TMEM233: variants seen among roughly 807,000 people sequenced by gnomAD.
TMEM233 encodes dispanin subfamily B member 2.
A neutral mutation model predicts 11.2 loss-of-function variants in TMEM233; 6 were observed. The ratio of observed to expected loss-of-function variants is 0.54; its 90% CI spans 0.29 to 1.06. The LOEUF (loss-of-function observed/expected upper bound fraction) is 1.06, where lower values mean the gene tolerates loss of function less well. TMEM233 is among the 50% of genes least tolerant of loss of function. The pLI is 0.08. For missense variants in TMEM233, 127 were observed against 144.7 expected, an observed-to-expected ratio of 0.88 and a Z score of 0.63; for synonymous variants, 59 against 55.8, an observed-to-expected ratio of 1.06 and a Z score of -0.26.
rs1391597350 is a variant in TMEM233, at chr12:119,642,649, A to C, written c.*1944A>C. 2.0e-5 allele frequency: 3 copies of C among 152,174 alleles called. No homozygotes were observed. Among genetic ancestry groups the C allele is most frequent in the Non-Finnish European group, 4.4e-5 (3 of 68,034 alleles). The allele number at this position is 152,174 out of a possible 1,614,324, so 9.4% of individuals were successfully genotyped here. A position where few individuals can be genotyped will look rare whatever the true frequency, so the allele number is the denominator to read the frequency against. ...CTGTGCCTAAAATTCCTTCACCTGC[A>C]AAATGGGGATAAGAATGCCTGCCTA... On this transcript the variant is annotated 3_prime_UTR_variant, in exon 3 of 3. Transcript: ENST00000426426.
At position 119,642,644 on chromosome 12, in the gene TMEM233, C is replaced by T. The variant is rs1295879172; in HGVS notation, c.*1939C>T. On this transcript the variant is annotated 3_prime_UTR_variant, in exon 3 of 3. Coordinates refer to ENST00000426426, the MANE Select transcript of TMEM233 (RefSeq NM_001136534.3). Reference sequence around the variant, plus strand: ...CCTCTCTGTGCCTAAAATTCCTTCACCTGCAAAATGGGGATAAGAATGCCT... The same window carrying T: ...CCTCTCTGTGCCTAAAATTCCTTCATCTGCAAAATGGGGATAAGAATGCCT... The T allele has an allele frequency of 2.0e-5, 3 of 152,068 alleles. No homozygotes were observed. The East Asian group carries it at 5.8e-4, about 29-fold the overall frequency. 9.4% of individuals were successfully genotyped at this position (152,068 alleles called of 1,614,324 possible). A position where few individuals can be genotyped will look rare whatever the true frequency, so the allele number is the denominator to read the frequency against.
At chr12:119,622,123 A>C (rs1316728197) in intron 1 of TMEM233, among the ~76,000 whole-genome samples, 1 of 152,198 alleles carries the variant, frequency 6.6e-6, no homozygotes, top group Non-Finnish European at 1.5e-5. Context: ...TTCTTGGTTT[A>C]CCTCAGGGTG....
chr12:119,639,039 C>A (rs923186960), intron 2 of TMEM233, among the ~76,000 whole-genome samples: 10 of 152,104 alleles, frequency 6.6e-5, no homozygotes, highest in African/African-American at 2.4e-4. Flanking sequence ...CCTCTCTGAG[C>A]AATGCAAGCA....
intron 1 of TMEM233, among the ~76,000 whole-genome samples, chr12:119,597,392 A>G (rs144956007): frequency 5.3e-5 from 8 of 152,278 alleles, no homozygotes; most frequent in African/African-American, 1.9e-4. Context: ...GAAGCACTGT[A>G]GGATGATGCA....
intron 1 of TMEM233, among the ~76,000 whole-genome samples, chr12:119,628,207 G>A (rs1309398622): frequency 6.6e-6 from 1 of 151,568 alleles, no homozygotes; most frequent in African/African-American, 2.4e-5. Flanking sequence ...TGCCCAGGCT[G>A]GAGTGCAATG....
At chr12:119,629,647 G>T in intron 1 of TMEM233, 89 bp from the exon 2 acceptor site, 1 of 1,367,458 alleles carries the variant, frequency 7.3e-7, no homozygotes, top group Non-Finnish European at 9.8e-7. Context: ...GAGAGCTCTT[G>T]GAACCTTTTC....
At chr12:119,602,400 A>C (rs754436223) in intron 1 of TMEM233, among the ~76,000 whole-genome samples, 4 of 152,198 alleles carry the variant, frequency 2.6e-5, no homozygotes, top group Non-Finnish European at 5.9e-5. Flanking sequence ...CTCTTTCCAC[A>C]GCTGAGATTG....
chr12:119,605,459 A>G (rs1336468804), intron 1 of TMEM233, among the ~76,000 whole-genome samples: 6 of 114,378 alleles, frequency 5.2e-5, no homozygotes, highest in Non-Finnish European at 9.9e-5. Flanking sequence ...ACAGGGCCTC[A>G]CTCTGTTGCA....
At chr12:119,634,612 CA>C (rs1162941681) in intron 2 of TMEM233, among the ~76,000 whole-genome samples, 9 of 147,806 alleles carry the variant, frequency 6.1e-5, no homozygotes, top group Non-Finnish European at 1.0e-4. Flanking sequence ...GACCCTGTCT[CA>C]AAAAAAAACA....
Position 119,618,745 on chromosome 12 carries a change from G to A in TMEM233, c.187-10991G>A, listed in dbSNP as rs181413256. On this transcript the variant is annotated intron_variant, in intron 1 of 2. Coordinates refer to ENST00000426426, the MANE Select transcript of TMEM233 (RefSeq NM_001136534.3). ...ATGCCTGTACCCCCATTGTATCTAG[G>A]AAGTGACTAACTTGCTTTTGGTTTT... is the stretch of plus-strand genomic sequence containing the variant. Among the ~76,000 whole-genome samples the A allele has an allele frequency of 1.4e-3, 208 of 152,306 alleles. 1 individual carries two copies. The highest frequency in any genetic ancestry group is 0.012 in the Admixed American group (183 of 15,302).
chr12:119,632,990 T>G (rs1475753311), intron 2 of TMEM233, among the ~76,000 whole-genome samples: 1 of 152,150 alleles, frequency 6.6e-6, no homozygotes, highest in Admixed American at 6.5e-5. Context: ...ATAAGTGTTT[T>G]TATCTGGGGA....
At chr12:119,612,699 C>G (rs1053684766) in intron 1 of TMEM233, among the ~76,000 whole-genome samples, 1 of 146,262 alleles carries the variant, frequency 6.8e-6, no homozygotes, top group Non-Finnish European at 1.5e-5. Flanking sequence ...TGCAGTGAGC[C>G]AAGATCACGC....
chr12:119,606,618 G>GA (rs1297997774), intron 1 of TMEM233, among the ~76,000 whole-genome samples: 6 of 151,994 alleles, frequency 3.9e-5, no homozygotes, highest in Admixed American at 2.0e-4. Flanking sequence ...TAAAGTTCCC[G>GA]AAAAAATTTA....
chr12:119,607,130 A>G (rs184103609), intron 1 of TMEM233, among the ~76,000 whole-genome samples: 123 of 152,356 alleles, frequency 8.1e-4, no homozygotes, highest in African/African-American at 2.9e-3. Flanking sequence ...CAAACTGTCT[A>G]CAATGATTTC....
At chr12:119,651,343 T>C in the TMEM233 span, among the ~76,000 whole-genome samples, 2 of 152,216 alleles carry the variant, frequency 1.3e-5, no homozygotes, top group Admixed American at 6.5e-5. Flanking sequence ...CTCATCAATG[T>C]CCTGAGAGAA....
chr12:119,593,896 C>G lies in TMEM233; in HGVS notation c.48C>G (p.Ser16Arg). 5 of 1,551,728 alleles carry G rather than the reference C, an allele frequency of 3.2e-6. No individual in the cohort carries two copies. Among genetic ancestry groups the G allele is most frequent in the Non-Finnish European group, 4.4e-6 (5 of 1,146,976 alleles). ...CGGACTTCAAGAGGGCTTTGGACAG[C>G]AGTCCCGAGGCCAACACTGAAGATG... is the stretch of plus-strand genomic sequence containing the variant. ...PSPDFKRALDSSPEANTEDDK... is the reference protein window; with the variant it reads ...PSPDFKRALDRSPEANTEDDK... The change falls in exon 1 of 3, where the codon AGC becomes AGG. Residue 16 changes from serine (S) to arginine (R), a missense_variant. Transcript: ENST00000426426. This position sits in a 1 kb window ranked among gnomAD's most constrained non-coding sequence, Gnocchi z 4.1.
At chr12:119,643,653 A>C (rs1393569026), downstream of TMEM233, among the ~76,000 whole-genome samples, 1 of 152,116 alleles carries the variant, frequency 6.6e-6, no homozygotes, top group East Asian at 1.9e-4. Flanking sequence ...CTGTAGTCCC[A>C]GCTACTCGGG....
At chr12:119,602,065 C>G (rs1954179834) in intron 1 of TMEM233, among the ~76,000 whole-genome samples, 1 of 152,162 alleles carries the variant, frequency 6.6e-6, no homozygotes, top group African/African-American at 2.4e-5. Flanking sequence ...AGCCATGCCC[C>G]AAGTCTGACC....
the TMEM233 span, among the ~76,000 whole-genome samples, chr12:119,653,717 G>C: frequency 6.6e-6 from 1 of 151,762 alleles, no homozygotes; most frequent in Non-Finnish European, 1.5e-5. Context: ...CAGAAGAAAG[G>C]AGCAATGATC....
Sources: allele counts gnomAD v4.1 joint callset (sites outside exome capture counted in the v4.1 genomes callset), GRCh38; gene constraint gnomAD v4.1.1; non-coding constraint Gnocchi (gnomAD v3.1); transcripts MANE v1.5; gene names NCBI Gene and HGNC (gene_info 2026-07-23, HGNC 2026-07-21).